The following MYO3A variants were observed in gnomAD, a reference collection of about 807,000 sequenced individuals.
MYO3A encodes the protein myosin-IIIa.
In MYO3A, 180 loss-of-function variants were observed where a neutral mutation model predicts 192.7. The observed-to-expected ratio is 0.93, with a 90% confidence interval of 0.83 to 1.06. The LOEUF (loss-of-function observed/expected upper bound fraction) is 1.06. MYO3A is among the 50% of genes least tolerant of loss of function. MYO3A has a pLI of 0.00. For synonymous variants in MYO3A, 628 were observed against 645.3 expected (o/e 0.97, Z 0.41); for missense variants, 1,896 against 1,905.0 (o/e 1.00, Z 0.09).
intron 34 of MYO3A, 130 bp from the exon 35 acceptor site, chr10:26,211,713 A>T: frequency 7.1e-7 from 1 of 1,409,866 alleles, no homozygotes; most frequent in Non-Finnish European, 9.7e-7. Context: ...AGTCGTTTCG[A>T]TTGTGCCTTT....
At chr10:26,166,377 C>G in intron 27 of MYO3A, 199 bp downstream of exon 27, 1 of 610,662 alleles carries the variant, frequency 1.6e-6, no homozygotes, top group Non-Finnish European at 2.8e-6. Flanking sequence ...ATAAAGATTT[C>G]TTTTAAGAAA....
At chr10:26,049,272 A>T (rs575939938) in intron 10 of MYO3A, among the ~76,000 whole-genome samples, 1 of 152,296 alleles carries the variant, frequency 6.6e-6, no homozygotes, top group Non-Finnish European at 1.5e-5. Flanking sequence ...ATGAGAAAAC[A>T]TCCAAAGAGC....
intron 21 of MYO3A, among the ~76,000 whole-genome samples, chr10:26,144,802 C>G (rs1268329802): frequency 1.6e-4 from 25 of 152,062 alleles, no homozygotes; most frequent in Non-Finnish European, 4.4e-5. Flanking sequence ...CACCTGAGAA[C>G]TTATTAGAAA....
chr10:26,129,845 C>G (rs781604636), intron 20 of MYO3A, among the ~76,000 whole-genome samples: 5 of 152,204 alleles, frequency 3.3e-5, no homozygotes, highest in Non-Finnish European at 7.3e-5. Flanking sequence ...CTTCACAATA[C>G]TCACAGCATC....
intron 10 of MYO3A, among the ~76,000 whole-genome samples, chr10:26,039,687 A>T (rs970903553): frequency 1.3e-5 from 2 of 152,084 alleles, no homozygotes; most frequent in Non-Finnish European, 2.9e-5. Context: ...CATATTAGCT[A>T]CCAAAGATCC....
At chr10:25,977,733 T>G (rs1268073907) in intron 4 of MYO3A, among the ~76,000 whole-genome samples, 1 of 152,154 alleles carries the variant, frequency 6.6e-6, no homozygotes, top group African/African-American at 2.4e-5. Flanking sequence ...ATTGACTAAC[T>G]TACTAAGCCC....
chr10:26,060,417 G>A (rs1214821876), intron 10 of MYO3A, among the ~76,000 whole-genome samples: 4 of 152,108 alleles, frequency 2.6e-5, no homozygotes, highest in African/African-American at 7.2e-5. Context: ...GCAGTGAACC[G>A]AGATCTCCCC....
intron 31 of MYO3A, among the ~76,000 whole-genome samples, chr10:26,182,128 G>C (rs558126558): frequency 6.6e-6 from 1 of 152,338 alleles, no homozygotes; most frequent in Non-Finnish European, 1.5e-5. Context: ...GGTTCTAGAA[G>C]AGTTGAGTGA....
chr10:26,206,740 C>T (rs184901163), intron 34 of MYO3A, among the ~76,000 whole-genome samples: 93 of 152,284 alleles, frequency 6.1e-4, no homozygotes, highest in Middle Eastern at 3.4e-3. Context: ...TGAGCCACCG[C>T]GCCCAGCCTG....
intron 2 of MYO3A, among the ~76,000 whole-genome samples, chr10:25,948,278 T>G (rs985142288): frequency 5.3e-5 from 8 of 152,180 alleles, no homozygotes; most frequent in African/African-American, 1.9e-4. Context: ...AGCAGAATAA[T>G]TGTTGAGATG....
rs548022921 is a variant in MYO3A, at chr10:26,088,293, T to C, written c.1450T>C (p.Ser484Pro). ...GNACTIINDN[S>P]SRFGKYLEMK... ...TGCCTGCACTATTATAAATGACAAT[T>C]CTAGCAGATTTGGAAAATACTTAGA... The change falls in exon 15 of 35, where the codon TCT becomes CCT. Residue 484 changes from serine (S) to proline (P), a missense_variant. Coordinates refer to ENST00000642920, the MANE Select transcript of MYO3A (RefSeq NM_017433.5). 9 of 1,613,854 alleles carry C rather than the reference T, an allele frequency of 5.6e-6. No individual in the cohort carries two copies. In the East Asian group the frequency reaches 1.6e-4, roughly 28 times the overall value.
chr10:25,987,777 A>G (rs1381691017), intron 4 of MYO3A, among the ~76,000 whole-genome samples: 3 of 152,206 alleles, frequency 2.0e-5, no homozygotes, highest in Non-Finnish European at 2.9e-5. Context: ...TGGAACCACT[A>G]TGGAAAACAG....
At chr10:26,172,122 T>G (rs1842076502) in intron 29 of MYO3A, among the ~76,000 whole-genome samples, 1 of 152,150 alleles carries the variant, frequency 6.6e-6, no homozygotes, top group Non-Finnish European at 1.5e-5. Context: ...GGGAAGCTTG[T>G]AGAGAGGAAA....
At chr10:26,149,226 T>C (rs1457828552) in intron 23 of MYO3A, among the ~76,000 whole-genome samples, 2 of 151,862 alleles carry the variant, frequency 1.3e-5, no homozygotes, top group Non-Finnish European at 2.9e-5. Flanking sequence ...TTTTCGTTTG[T>C]TTGTTTTTGT....
At chr10:26,162,755 G>C (rs1229139173) in intron 26 of MYO3A, among the ~76,000 whole-genome samples, 1 of 152,126 alleles carries the variant, frequency 6.6e-6, no homozygotes, top group African/African-American at 2.4e-5. Context: ...ACAGGTTTGG[G>C]GGCAAACACA....
chr10:25,956,083 T>TGGCAGAA (rs528639157), intron 4 of MYO3A, among the ~76,000 whole-genome samples: 75 of 152,274 alleles, frequency 4.9e-4, no homozygotes, highest in African/African-American at 1.8e-3. Flanking sequence ...TGTTCTCACA[T>TGGCAGAA]GGCAGAAGGC....
At chr10:26,043,654 A>G (rs1034862204) in intron 10 of MYO3A, among the ~76,000 whole-genome samples, 1 of 152,152 alleles carries the variant, frequency 6.6e-6, no homozygotes, top group Non-Finnish European at 1.5e-5. Context: ...TTAAGGCACA[A>G]GTGCTCTTCA....
chr10:26,034,547 C>A (rs1213705300), intron 10 of MYO3A, among the ~76,000 whole-genome samples: 1 of 152,090 alleles, frequency 6.6e-6, no homozygotes, highest in Non-Finnish European at 1.5e-5. Context: ...AACAAGATAA[C>A]CTAGAGTTTG....
At chr10:26,041,940 T>C (rs1233546230) in intron 10 of MYO3A, among the ~76,000 whole-genome samples, 2 of 152,172 alleles carry the variant, frequency 1.3e-5, no homozygotes, top group Non-Finnish European at 2.9e-5. Context: ...TGATTTCTTA[T>C]TGCTCATTAA....
Sources: allele counts gnomAD v4.1 joint callset (sites outside exome capture counted in the v4.1 genomes callset), GRCh38; gene constraint gnomAD v4.1.1; transcripts MANE v1.5; gene names NCBI Gene and HGNC (gene_info 2026-07-23, HGNC 2026-07-21).